SND1: variants seen among roughly 807,000 people sequenced by gnomAD.
SND1 encodes staphylococcal nuclease domain-containing protein 1.
Under a neutral mutation model 121.7 loss-of-function variants are expected in SND1, and 38 were observed. The ratio of observed to expected loss-of-function variants is 0.31; its 90% CI spans 0.24 to 0.41. SND1 has a LOEUF of 0.41. Ranked by LOEUF, SND1 falls within the 10% of genes least tolerant of loss-of-function variation. The pLI, the probability that SND1 is intolerant of heterozygous loss-of-function variation, is 1.00. For missense variants in SND1, 868 were observed against 1,184.6 expected (o/e 0.73, Z 3.92); for synonymous variants, 401 against 447.4 (o/e 0.90, Z 1.31).
intron 13 of SND1, among the ~76,000 whole-genome samples, chr7:127,894,174 G>A (rs907020025): frequency 6.6e-6 from 1 of 151,992 alleles, no homozygotes; most frequent in Non-Finnish European, 1.5e-5. Context: ...CAGTTAATGG[G>A]GGCCACAGTG....
At chr7:127,803,862 A>G (rs191754730) in intron 10 of SND1, among the ~76,000 whole-genome samples, 2 of 152,298 alleles carry the variant, frequency 1.3e-5, no homozygotes, top group East Asian at 3.9e-4. Flanking sequence ...AGAGGTACAG[A>G]TGACTGACGT....
chr7:127,943,164 T>C (rs1801253853), intron 15 of SND1, among the ~76,000 whole-genome samples: 1 of 152,230 alleles, frequency 6.6e-6, no homozygotes, highest in Non-Finnish European at 1.5e-5. Flanking sequence ...TCATGTTTGA[T>C]ACAGCTTTGT....
At chr7:127,659,801 C>T (rs1339147201) in intron 1 of SND1, among the ~76,000 whole-genome samples, 1 of 152,094 alleles carries the variant, frequency 6.6e-6, no homozygotes, top group Non-Finnish European at 1.5e-5. Context: ...TAAGATATTC[C>T]ACCTCAAACT....
chr7:128,014,880 T>C (rs909466230), intron 16 of SND1, among the ~76,000 whole-genome samples: 3 of 152,144 alleles, frequency 2.0e-5, no homozygotes, highest in South Asian at 4.1e-4. Flanking sequence ...ATCCCACCCA[T>C]TGGTAGCAGA....
chr7:127,679,095 C>G (rs1448984523), intron 1 of SND1: 1 of 152,248 alleles, frequency 6.6e-6, no homozygotes, highest in Non-Finnish European at 1.5e-5. Context: ...TTCTGTGTGA[C>G]ACACAGGATG....
At chr7:127,954,876 T>C (rs947610407) in intron 15 of SND1, among the ~76,000 whole-genome samples, 6 of 151,748 alleles carry the variant, frequency 4.0e-5, no homozygotes, top group Non-Finnish European at 7.4e-5. Flanking sequence ...CACCAAGAAG[T>C]CTCCCACCAG....
chr7:127,880,127 A>G (rs1396841487), intron 12 of SND1, among the ~76,000 whole-genome samples: 1 of 152,202 alleles, frequency 6.6e-6, no homozygotes, highest in African/African-American at 2.4e-5. Context: ...CTTCCAGCGT[A>G]GGCTATGAAT....
chr7:128,071,400 TA>T (rs1793406954), intron 16 of SND1, among the ~76,000 whole-genome samples: 1 of 152,228 alleles, frequency 6.6e-6, no homozygotes, highest in South Asian at 2.1e-4. Flanking sequence ...AAAATTACCA[TA>T]AATAACAAAA....
chr7:128,072,537 A>C (rs1430588685), intron 16 of SND1, among the ~76,000 whole-genome samples: 1 of 152,220 alleles, frequency 6.6e-6, no homozygotes, highest in Non-Finnish European at 1.5e-5. Flanking sequence ...CAGCTTCCCC[A>C]GAATTCCTCT....
At chr7:128,028,753 T>G (rs1389137388) in intron 16 of SND1, 6 of 1,614,056 alleles carry the variant, frequency 3.7e-6, no homozygotes, top group Non-Finnish European at 5.1e-6. Context: ...GTGGTGACTG[T>G]GGGGTGCAGA....
chr7:127,993,884 C>T (rs758874051), intron 16 of SND1, among the ~76,000 whole-genome samples: 3 of 152,180 alleles, frequency 2.0e-5, no homozygotes, highest in Non-Finnish European at 4.4e-5. Flanking sequence ...AGTTGGACTT[C>T]CCTATGTGAA....
chr7:127,706,137 TC>T lies in SND1; in HGVS notation c.947+1194del, dbSNP rs759750065. ...TATCAAGTACAGTGTTCCAAATACT[TC>T]CGATTATTCTACAATGCTCAATTTC... On this transcript the variant is annotated intron_variant, in intron 8 of 23. Coordinates refer to ENST00000354725, the MANE Select transcript of SND1 (RefSeq NM_014390.4). Among the ~76,000 whole-genome samples, 21 of 152,290 alleles carry T rather than the reference TC, an allele frequency of 1.4e-4. No individual in the cohort carries two copies. The East Asian group carries it at 3.3e-3, about 24-fold the overall frequency.
At chr7:127,770,544 G>C (rs1422529466) in intron 10 of SND1, among the ~76,000 whole-genome samples, 1 of 152,102 alleles carries the variant, frequency 6.6e-6, no homozygotes, top group Non-Finnish European at 1.5e-5. Context: ...TTTATGTCAG[G>C]AAACTGAGGC....
At chr7:127,851,316 T>C (rs551781057) in intron 12 of SND1, among the ~76,000 whole-genome samples, 56 of 152,248 alleles carry the variant, frequency 3.7e-4, no homozygotes, top group Non-Finnish European at 6.2e-4. Flanking sequence ...TTTCCCAAAG[T>C]GTACCATGGA....
intron 16 of SND1, among the ~76,000 whole-genome samples, chr7:128,053,489 G>C (rs1023256074): frequency 6.6e-6 from 1 of 152,132 alleles, no homozygotes; most frequent in African/African-American, 2.4e-5. Flanking sequence ...CAGGAGGCCA[G>C]AGATTTCGGA....
chr7:127,935,497 G>A lies in SND1; in HGVS notation c.1669+6168G>A, dbSNP rs3757765. 5.7e-3 allele frequency among the ~76,000 whole-genome samples: 875 copies of A among 152,300 alleles called. 30 individuals carry two copies. The highest frequency in any genetic ancestry group is 0.045 in the East Asian group (234 of 5,184). On this transcript the variant is annotated intron_variant, in intron 15 of 23. Transcript: ENST00000354725. ...AGGTTTGAAATATTGAGAAGCACTC[G>A]TCTGAATTCTGAAGAGAAGGAATCA...
chr7:127,710,412 A>C (rs186111220), intron 9 of SND1, among the ~76,000 whole-genome samples: 3 of 151,962 alleles, frequency 2.0e-5, no homozygotes, highest in Admixed American at 2.0e-4. Flanking sequence ...AATGTAAATC[A>C]AGGCATTACT....
chr7:128,057,198 A>G (rs1205370368), intron 16 of SND1, among the ~76,000 whole-genome samples: 1 of 151,816 alleles, frequency 6.6e-6, no homozygotes, highest in Admixed American at 6.6e-5. Context: ...GATAAGGGGG[A>G]CTCCTTTATA....
intron 10 of SND1, among the ~76,000 whole-genome samples, chr7:127,734,749 G>C (rs935237621): frequency 6.6e-6 from 1 of 152,172 alleles, no homozygotes; most frequent in African/African-American, 2.4e-5. Context: ...TCTTGTCCTT[G>C]TTCTGAGGCC....
Sources: allele counts gnomAD v4.1 joint callset (sites outside exome capture counted in the v4.1 genomes callset), GRCh38; gene constraint gnomAD v4.1.1; transcripts MANE v1.5; gene names NCBI Gene and HGNC (gene_info 2026-07-23, HGNC 2026-07-21).